Variants in MAPK10 observed in about 807,000 individuals in gnomAD.
MAPK10 encodes JNK3 alpha protein kinase.
Under a neutral mutation model 59.3 loss-of-function variants are expected in MAPK10, and 25 were observed. The observed-to-expected ratio is 0.42, with a 90% CI of 0.31 to 0.59. MAPK10 has a LOEUF of 0.59. MAPK10 is among the 20% of genes least tolerant of loss of function. MAPK10 has a pLI of 0.15. For missense variants in MAPK10, 351 were observed against 568.9 expected (o/e 0.62, Z 3.90); for synonymous variants, 190 against 200.5 (o/e 0.95, Z 0.44).
At chr4:86,156,832 G>C (rs1215143957) in intron 4 of MAPK10, among the ~76,000 whole-genome samples, 2 of 151,932 alleles carry the variant, frequency 1.3e-5, no homozygotes, top group Non-Finnish European at 2.9e-5. Context: ...TCTGGATCCT[G>C]ACCACTGTTG....
At chr4:86,282,765 G>T (rs1456792539) in intron 2 of MAPK10, among the ~76,000 whole-genome samples, 2 of 152,130 alleles carry the variant, frequency 1.3e-5, no homozygotes, top group African/African-American at 4.8e-5. Context: ...TGTATTTCCT[G>T]AGGCTTCAGA....
intron 9 of MAPK10, among the ~76,000 whole-genome samples, chr4:86,070,453 C>T (rs2047646755): frequency 6.6e-6 from 1 of 150,428 alleles, no homozygotes; most frequent in African/African-American, 2.4e-5. Flanking sequence ...AGGTTAGTTA[C>T]ATATGTATAC....
At chr4:86,310,254 C>A (rs866542446) in intron 2 of MAPK10, among the ~76,000 whole-genome samples, 27 of 152,258 alleles carry the variant, frequency 1.8e-4, no homozygotes, top group African/African-American at 6.3e-4. Flanking sequence ...GCCCCGACCA[C>A]CTTGGGCACA....
At chr4:86,132,774 C>T (rs924244445) in intron 4 of MAPK10, among the ~76,000 whole-genome samples, 1 of 152,280 alleles carries the variant, frequency 6.6e-6, no homozygotes, top group Non-Finnish European at 1.5e-5. Flanking sequence ...GTTGAACACT[C>T]CTTGTGAGGA....
chr4:86,551,528 T>TTTCC (rs71657575), intron 1 of MAPK10, among the ~76,000 whole-genome samples: 97 of 152,112 alleles, frequency 6.4e-4, no homozygotes, highest in Middle Eastern at 3.4e-3. Flanking sequence ...TCCTTCCATC[T>TTTCC]TTCCTTCCTT....
chr4:86,484,741 G>A (rs1333336758), intron 1 of MAPK10, among the ~76,000 whole-genome samples: 2 of 134,784 alleles, frequency 1.5e-5, no homozygotes, highest in African/African-American at 2.6e-5. Context: ...TTATTTTACA[G>A]ATTTAAAAAA....
chr4:86,335,633 A>G (rs772712859), intron 2 of MAPK10, among the ~76,000 whole-genome samples: 1 of 151,444 alleles, frequency 6.6e-6, no homozygotes, highest in Non-Finnish European at 1.5e-5. Flanking sequence ...TCACACTGCT[A>G]TAAAGACATA....
At chr4:86,018,348 A>G (rs1301461432) in intron 13 of MAPK10, among the ~76,000 whole-genome samples, 1 of 117,736 alleles carries the variant, frequency 8.5e-6, no homozygotes, top group Non-Finnish European at 1.8e-5. Context: ...ACTGTTGATG[A>G]AAGTTACAAA....
intron 1 of MAPK10, among the ~76,000 whole-genome samples, chr4:86,424,685 AATCATGAGGGGTAGCATG>A (rs1454469190): frequency 6.6e-6 from 1 of 152,112 alleles, no homozygotes; most frequent in Non-Finnish European, 1.5e-5. Context: ...ATGTCTAGGA[AATCATGAGGGGTAGCATG>A]ATCATGAGGG....
intron 2 of MAPK10, among the ~76,000 whole-genome samples, chr4:86,214,960 A>G (rs1222478966): frequency 1.3e-5 from 2 of 152,108 alleles, no homozygotes; most frequent in African/African-American, 4.8e-5. Context: ...AGCCAAAACA[A>G]CCTTGAAAAA....
chr4:86,272,964 C>T (rs1359486462), intron 2 of MAPK10, among the ~76,000 whole-genome samples: 1 of 152,088 alleles, frequency 6.6e-6, no homozygotes, highest in East Asian at 1.9e-4. Context: ...GCTGCCCATT[C>T]TGCATGGCAA....
chr4:86,449,576 A>G (rs1234023073), intron 1 of MAPK10, among the ~76,000 whole-genome samples: 1 of 152,230 alleles, frequency 6.6e-6, no homozygotes, highest in Non-Finnish European at 1.5e-5. Flanking sequence ...TATACTAAGT[A>G]TGGTGTACCC....
chr4:86,054,835 G>T (rs2044242497), intron 11 of MAPK10, among the ~76,000 whole-genome samples: 1 of 152,152 alleles, frequency 6.6e-6, no homozygotes. Flanking sequence ...GACACATGCG[G>T]CAATAATAAG....
At chr4:86,421,918 TCAC>T (rs1292169962) in intron 1 of MAPK10, among the ~76,000 whole-genome samples, 2 of 152,066 alleles carry the variant, frequency 1.3e-5, no homozygotes, top group Non-Finnish European at 2.9e-5. Flanking sequence ...GCCACCACTG[TCAC>T]CACCACCACC....
chr4:86,593,290 G>T (rs993551469), intron 1 of MAPK10, among the ~76,000 whole-genome samples: 1 of 152,084 alleles, frequency 6.6e-6, no homozygotes, highest in Non-Finnish European at 1.5e-5. Context: ...TTTACCTAGG[G>T]CTCAACATTA....
At chr4:86,584,488 G>T (rs967925244) in intron 1 of MAPK10, among the ~76,000 whole-genome samples, 4 of 152,170 alleles carry the variant, frequency 2.6e-5, no homozygotes, top group African/African-American at 9.7e-5. Context: ...TCTGTCACCA[G>T]GCTGGAGTGC....
chr4:86,366,721 T>G (rs774293159), intron 1 of MAPK10, among the ~76,000 whole-genome samples: 1 of 152,134 alleles, frequency 6.6e-6, no homozygotes, highest in Non-Finnish European at 1.5e-5. Context: ...CAGGGACTAA[T>G]TCAGTGCTAG....
intron 1 of MAPK10, among the ~76,000 whole-genome samples, chr4:86,438,458 G>A (rs886119591): frequency 2.6e-5 from 4 of 152,078 alleles, no homozygotes; most frequent in Admixed American, 1.3e-4. Context: ...GGGAGGCCGA[G>A]GGGGGTGGAT....
At chr4:86,029,636 G>T (rs940723009) in intron 12 of MAPK10, among the ~76,000 whole-genome samples, 2 of 152,004 alleles carry the variant, frequency 1.3e-5, no homozygotes, top group Non-Finnish European at 2.9e-5. Flanking sequence ...AGTAATACAT[G>T]TTTTACTTGT....
Sources: allele counts gnomAD v4.1 joint callset (sites outside exome capture counted in the v4.1 genomes callset), GRCh38; gene constraint gnomAD v4.1.1; transcripts MANE v1.5; gene names NCBI Gene and HGNC (gene_info 2026-07-23, HGNC 2026-07-21).